Variants in ENPP1 observed in about 807,000 individuals in gnomAD.
The protein encoded by ENPP1 is ectonucleotide pyrophosphatase/phosphodiesterase 1.
A neutral mutation model predicts 122.8 loss-of-function variants in ENPP1; 73 were observed. That is an observed-to-expected ratio of 0.59 (90% CI 0.49 to 0.72). ENPP1 has a LOEUF of 0.72. Ranked by LOEUF, ENPP1 falls within the 30% of genes least tolerant of loss-of-function variation. The probability of loss-of-function intolerance (pLI) is 0.00; values close to 1 mark genes in which losing one functional copy is unlikely to be tolerated. For missense variants in ENPP1, 978 were observed against 1,128.1 expected, an observed-to-expected ratio of 0.87 and a Z score of 1.91; for synonymous variants, 367 against 391.6, an observed-to-expected ratio of 0.94 and a Z score of 0.74.
intron 24 of ENPP1, 22 bp downstream of exon 24, chr6:131,886,746 A>G (rs1452021308): frequency 6.2e-7 from 1 of 1,605,072 alleles, no homozygotes; most frequent in Non-Finnish European, 8.5e-7. Flanking sequence ...TTGTATATTT[A>G]CTTTGCATGT....
chr6:131,878,980 T>A (rs192767731), intron 19 of ENPP1, among the ~76,000 whole-genome samples: 2 of 152,334 alleles, frequency 1.3e-5, no homozygotes, highest in African/African-American at 4.8e-5. Context: ...GATTTATTGA[T>A]CTAAAGTTAT....
At position 131,852,180 on chromosome 6, in the gene ENPP1, A is replaced by G; in HGVS notation, c.562A>G (p.Lys188Glu). The G allele has an allele frequency of 6.2e-7, 1 of 1,600,650 alleles. No homozygotes were observed. The highest frequency in any genetic ancestry group is 8.5e-7 in the Non-Finnish European group (1 of 1,169,966). ...TTTTCTTGAAAATATTTTAGGTGAG[A>G]AAAGTTGGGTAGAAGAACCATGTGA... ...INYSSVCQGE[K>E]SWVEEPCESI... The change falls in exon 5 of 25, where the codon AAA becomes GAA. Residue 188 changes from lysine to glutamate, a missense_variant. This residue lies in a region of ENPP1 where 330 missense variants were observed against 328.5 expected (regional missense o/e 1.00). Coordinates refer to ENST00000647893, the MANE Select transcript of ENPP1 (RefSeq NM_006208.3).
chr6:131,851,768 A>AT (rs980036275), intron 4 of ENPP1, among the ~76,000 whole-genome samples: 21 of 150,970 alleles, frequency 1.4e-4, no homozygotes, highest in Non-Finnish European at 2.7e-4. Flanking sequence ...TATTATTATT[A>AT]TTTTTTTTTC....
chr6:131,881,659 A>G (rs111414194), intron 20 of ENPP1, among the ~76,000 whole-genome samples: 2,176 of 152,220 alleles, frequency 0.014, 61 homozygotes, highest in African/African-American at 0.05. Flanking sequence ...TGAGGAGGGC[A>G]GATCACGAGG....
At chr6:131,817,218 C>G (rs1443741588) in intron 1 of ENPP1, among the ~76,000 whole-genome samples, 1 of 152,228 alleles carries the variant, frequency 6.6e-6, no homozygotes, top group Admixed American at 6.5e-5. Flanking sequence ...TAGCTAATGC[C>G]ATCCCATTCA....
intron 1 of ENPP1, among the ~76,000 whole-genome samples, chr6:131,832,161 G>A (rs1440104314): frequency 6.6e-6 from 1 of 150,854 alleles, no homozygotes; most frequent in African/African-American, 2.4e-5. Flanking sequence ...AGGCTTTTAG[G>A]TTCTCTTGAC....
intron 18 of ENPP1, 116 bp from the exon 19 acceptor site, chr6:131,878,426 G>A (rs778628383): frequency 2.4e-5 from 18 of 739,220 alleles, no homozygotes; most frequent in Non-Finnish European, 4.3e-5. Context: ...ACTAATACAA[G>A]ACTATCATAA....
In ENPP1 at chr6:131,887,433, C is replaced by T. The variant is rs538251193; in HGVS notation, c.2607+709C>T. 2.4e-3 allele frequency among the ~76,000 whole-genome samples: 354 copies of T among 146,932 alleles called. 1 individual carries two copies. The highest frequency in any genetic ancestry group is 3.1e-3 in the Non-Finnish European group (208 of 66,724). ...TTTGAGACAGAGTCTCACTTTGGCT[C>T]CCAGGCTGGAGTGCAGTGGCATGAT... On this transcript the variant is annotated intron_variant, in intron 24 of 24. Transcript: ENST00000647893.
chr6:131,878,432 C>A (rs573699240), intron 18 of ENPP1, 110 bp from the exon 19 acceptor site: 6 of 754,386 alleles, frequency 8.0e-6, no homozygotes, highest in Non-Finnish European at 1.4e-5. Context: ...ACAAGACTAT[C>A]ATAAATGATC....
At chr6:131,863,393 G>A (rs538867134) in intron 9 of ENPP1, among the ~76,000 whole-genome samples, 27 of 152,038 alleles carry the variant, frequency 1.8e-4, no homozygotes, top group Non-Finnish European at 2.6e-4. Flanking sequence ...CAAGATTACC[G>A]AAATAATTTT....
At chr6:131,833,468 T>C (rs188009986) in intron 1 of ENPP1, among the ~76,000 whole-genome samples, 179 of 152,312 alleles carry the variant, frequency 1.2e-3, no homozygotes, top group African/African-American at 4.1e-3. Context: ...CATCCCAATG[T>C]GGTGGATTTT....
At chr6:131,869,851 G>C (rs1297038733) in intron 13 of ENPP1, among the ~76,000 whole-genome samples, 1 of 115,890 alleles carries the variant, frequency 8.6e-6, no homozygotes, top group South Asian at 2.6e-4. Flanking sequence ...GTGAGACTTG[G>C]TCTAAAAAAA....
At chr6:131,852,319 A>G in intron 5 of ENPP1, 84 bp downstream of exon 5, 1 of 841,642 alleles carries the variant, frequency 1.2e-6, no homozygotes, top group South Asian at 1.4e-5. Flanking sequence ...GATGATAAAA[A>G]TAATAAAATC....
intron 9 of ENPP1, among the ~76,000 whole-genome samples, chr6:131,861,938 G>C (rs78341739): frequency 2.6e-5 from 4 of 152,078 alleles, no homozygotes; most frequent in Non-Finnish European, 5.9e-5. Flanking sequence ...GGGAGGCTGA[G>C]GCGAGGGGTC....
At chr6:131,873,137 A>T (rs369642909) in intron 15 of ENPP1, 87 bp downstream of exon 15, 2 of 1,397,254 alleles carry the variant, frequency 1.4e-6, no homozygotes, top group Middle Eastern at 1.8e-4. Flanking sequence ...CAATATTGTT[A>T]TGTGAAAACT....
intron 20 of ENPP1, among the ~76,000 whole-genome samples, chr6:131,881,635 A>C (rs1782308853): frequency 6.6e-6 from 1 of 152,082 alleles, no homozygotes; most frequent in African/African-American, 2.4e-5. Flanking sequence ...TGTAATCCCA[A>C]CACTTTGGGG....
At chr6:131,842,726 C>A (rs1781758016) in intron 1 of ENPP1, among the ~76,000 whole-genome samples, 1 of 152,132 alleles carries the variant, frequency 6.6e-6, no homozygotes, top group Admixed American at 6.5e-5. Flanking sequence ...GGCCAACTTC[C>A]TTTGTTTCTC....
chr6:131,824,924 G>C (rs1450760830), intron 1 of ENPP1, among the ~76,000 whole-genome samples: 1 of 151,990 alleles, frequency 6.6e-6, no homozygotes, highest in Non-Finnish European at 1.5e-5. Flanking sequence ...GCCTGTTGTC[G>C]TGGCACACAC....
At chr6:131,836,263 C>T (rs1781672951) in intron 1 of ENPP1, among the ~76,000 whole-genome samples, 1 of 152,094 alleles carries the variant, frequency 6.6e-6, no homozygotes, top group South Asian at 2.1e-4. Context: ...CAGGCACCCA[C>T]TGCCATGCCT....
Sources: gnomAD v4.1 joint callset for allele counts (sites outside exome capture counted in the v4.1 genomes callset) on GRCh38, gnomAD v4.1.1 for gene constraint, gnomAD v4.1.1 regional missense constraint, MANE v1.5 for transcripts, NCBI Gene and HGNC (gene_info 2026-07-23, HGNC 2026-07-21) for gene names.